ANO4: variants seen among roughly 807,000 people sequenced by gnomAD.
ANO4 encodes anoctamin-4.
ANO4 carries 69 observed loss-of-function variants against 141.9 expected under a neutral mutation model. That is an observed-to-expected ratio of 0.49 (90% CI 0.40 to 0.59). ANO4 has a LOEUF of 0.59. ANO4 is among the 20% of genes least tolerant of loss of function. The pLI is 0.00. For missense variants in ANO4, 894 were observed against 1,162.2 expected, an observed-to-expected ratio of 0.77 and a Z score of 3.36; for synonymous variants, 350 against 394.3, an observed-to-expected ratio of 0.89 and a Z score of 1.33.
chr12:101,097,847 G>A lies in ANO4; in HGVS notation c.1909-1G>A, dbSNP rs1421137728. The A allele has an allele frequency of 6.2e-7, 1 of 1,613,434 alleles. No individual in the cohort carries two copies. The highest frequency in any genetic ancestry group is 8.5e-7 in the Non-Finnish European group (1 of 1,179,606). On this transcript the variant is annotated splice_acceptor_variant, in intron 20 of 27. Transcript: ENST00000392977. LOFTEE classifies it high-confidence loss of function. ...AATTTCTGTGTTTGCTTACCTTGCAGTGCCACCCTAGTGGATGCCTTATTG... is the reference window on the plus strand; with the variant it reads ...AATTTCTGTGTTTGCTTACCTTGCAATGCCACCCTAGTGGATGCCTTATTG...
At chr12:100,960,431 T>G (rs1566059840) in intron 5 of ANO4, among the ~76,000 whole-genome samples, 1 of 152,100 alleles carries the variant, frequency 6.6e-6, no homozygotes. Flanking sequence ...AAACACTTGA[T>G]AGACTATACC....
At chr12:101,056,489 T>G (rs1015418106) in intron 14 of ANO4, among the ~76,000 whole-genome samples, 2 of 152,158 alleles carry the variant, frequency 1.3e-5, no homozygotes, top group Non-Finnish European at 2.9e-5. Flanking sequence ...TTCTAGCTTT[T>G]TTATAGATTC....
At chr12:100,736,954 G>C (rs2031643484) in intron 2 of ANO4, among the ~76,000 whole-genome samples, 1 of 152,132 alleles carries the variant, frequency 6.6e-6, no homozygotes, top group African/African-American at 2.4e-5. Context: ...CCAGAACCAT[G>C]AGAGAATAAA....
chr12:101,048,329 T>A lies in ANO4; in HGVS notation c.1252-12T>A. On this transcript the variant is annotated splice_polypyrimidine_tract_variant and intron_variant, in intron 13 of 27. Transcript: ENST00000392977. ...GAGAAATTAACTCAGCACCGATTCT[T>A]ATTATTCACAGGTAACCCACCTTTT... is the stretch of plus-strand genomic sequence containing the variant. The A allele has an allele frequency of 6.2e-7, 1 of 1,613,162 alleles. No individual in the cohort carries two copies. Among genetic ancestry groups the A allele is most frequent in the Non-Finnish European group, 8.5e-7 (1 of 1,179,444 alleles).
intron 1 of ANO4, among the ~76,000 whole-genome samples, chr12:100,726,088 T>C (rs2031103720): frequency 6.6e-6 from 1 of 152,216 alleles, no homozygotes; most frequent in Non-Finnish European, 1.5e-5. Flanking sequence ...CAGGTAATTC[T>C]CTCAAGTAAT....
At chr12:100,785,329 A>G (rs1565873981) in intron 3 of ANO4, among the ~76,000 whole-genome samples, 1 of 152,152 alleles carries the variant, frequency 6.6e-6, no homozygotes, top group Non-Finnish European at 1.5e-5. Flanking sequence ...TTATAAAGAC[A>G]TGCATCCACC....
chr12:101,093,785 A>G (rs146846474), intron 17 of ANO4, among the ~76,000 whole-genome samples: 4 of 152,274 alleles, frequency 2.6e-5, no homozygotes, highest in African/African-American at 9.6e-5. Flanking sequence ...GGGAATTTCC[A>G]GTAATGTTTA....
chr12:100,935,788 A>G (rs536040035), intron 3 of ANO4, among the ~76,000 whole-genome samples: 2 of 152,300 alleles, frequency 1.3e-5, no homozygotes, highest in South Asian at 4.1e-4. Flanking sequence ...TTATTTTAAA[A>G]ATTGGTTAGT....
intron 5 of ANO4, among the ~76,000 whole-genome samples, chr12:100,959,985 G>A (rs923331965): frequency 6.6e-6 from 1 of 152,100 alleles, no homozygotes; most frequent in Non-Finnish European, 1.5e-5. Flanking sequence ...AATGCTCTTT[G>A]CTGCGACCAG....
intron 5 of ANO4, among the ~76,000 whole-genome samples, chr12:100,949,846 A>G (rs1226484252): frequency 6.6e-6 from 1 of 152,208 alleles, no homozygotes; most frequent in Non-Finnish European, 1.5e-5. Context: ...TTATAGATCA[A>G]TTCAGAGCTA....
intron 1 of ANO4, among the ~76,000 whole-genome samples, chr12:100,831,326 A>G (rs1470106353): frequency 6.6e-6 from 1 of 152,130 alleles, no homozygotes; most frequent in Non-Finnish European, 1.5e-5. Context: ...CTCCCCTGTC[A>G]AAAAGTTTTC....
At chr12:100,950,120 CCCTT>C (rs1215969035) in intron 5 of ANO4, among the ~76,000 whole-genome samples, 9 of 152,142 alleles carry the variant, frequency 5.9e-5, no homozygotes, top group Admixed American at 5.9e-4. Flanking sequence ...ACAACATCCT[CCCTT>C]CCTTCACAGT....
chr12:100,739,703 G>A, intron 2 of ANO4: 2 of 615,972 alleles, frequency 3.2e-6, no homozygotes, highest in South Asian at 1.9e-5. Flanking sequence ...GCCATCAAGA[G>A]GGATGATGCC....
chr12:101,063,751 T>A (rs1196931896), intron 14 of ANO4, among the ~76,000 whole-genome samples: 2 of 126,084 alleles, frequency 1.6e-5, no homozygotes, highest in African/African-American at 3.1e-5. Flanking sequence ...TTATCTTTTT[T>A]TTTTTTTTTT....
At chr12:100,992,174 A>G (rs1293606983) in intron 8 of ANO4, among the ~76,000 whole-genome samples, 1 of 152,218 alleles carries the variant, frequency 6.6e-6, no homozygotes, top group African/African-American at 2.4e-5. Flanking sequence ...CCATTCTCTC[A>G]GGTGCATACT....
chr12:101,008,191 A>G (rs2045946051), intron 8 of ANO4, among the ~76,000 whole-genome samples: 1 of 152,020 alleles, frequency 6.6e-6, no homozygotes, highest in Non-Finnish European at 1.5e-5. Context: ...TTCCTTTCCT[A>G]CCACCTTATA....
At chr12:101,120,766 T>G (rs1458996013) in intron 26 of ANO4, 141 bp downstream of exon 26, 24 of 649,222 alleles carry the variant, frequency 3.7e-5, no homozygotes, top group Non-Finnish European at 5.7e-5. Flanking sequence ...GTAACCTCTT[T>G]TTGATCTTTT....
rs2049992195 is a variant in ANO4 at position 101,096,575 on chromosome 12, C to T, written c.1778C>T (p.Thr593Ile). ...GAGTCTGAGTGGGAGAACAGCTTCACCCTGAAAATGTTTCTTTTTCAGTTT... is the reference window on the plus strand; with the variant it reads ...GAGTCTGAGTGGGAGAACAGCTTCATCCTGAAAATGTTTCTTTTTCAGTTT... ...RTESEWENSF[T>I]LKMFLFQFVN... The change falls in exon 19 of 28, where the codon ACC becomes ATC. Residue 593 changes from threonine to isoleucine, a missense_variant. By Grantham distance (89) the Thr-to-Ile change is moderately conservative. Transcript: ENST00000392977. 6.2e-7 allele frequency: 1 copy of T among 1,613,482 alleles called. No individual in the cohort carries two copies. Among genetic ancestry groups the T allele is most frequent in the Admixed American group, 1.7e-5 (1 of 59,974 alleles).
chr12:100,923,966 C>T (rs1218188203), intron 3 of ANO4, among the ~76,000 whole-genome samples: 1 of 151,966 alleles, frequency 6.6e-6, no homozygotes, highest in Admixed American at 6.6e-5. Context: ...TATCCTTTGC[C>T]CACTTTTTGA....
Sources: allele counts gnomAD v4.1 joint callset (sites outside exome capture counted in the v4.1 genomes callset), GRCh38; gene constraint gnomAD v4.1.1; transcripts MANE v1.5; gene names NCBI Gene and HGNC (gene_info 2026-07-23, HGNC 2026-07-21).